The following KLHL1 variants were observed in gnomAD, a reference collection of about 807,000 sequenced individuals.
KLHL1 encodes kelch like family member 1.
KLHL1 carries 47 observed loss-of-function variants against 77.7 expected under a neutral mutation model. The observed-to-expected ratio is 0.60, with a 90% CI of 0.48 to 0.77. The LOEUF (loss-of-function observed/expected upper bound fraction) is 0.77. Ranked by LOEUF, KLHL1 falls within the 30% of genes least tolerant of loss-of-function variation. The pLI is 0.00. For synonymous variants in KLHL1, 360 were observed against 325.2 expected (o/e 1.11, Z -1.15); for missense variants, 925 against 910.8 (o/e 1.02, Z -0.20).
chr13:70,039,144 T>G (rs1886311500), intron 1 of KLHL1, among the ~76,000 whole-genome samples: 2 of 151,380 alleles, frequency 1.3e-5, no homozygotes, highest in South Asian at 4.2e-4. Context: ...AATAGCTCAC[T>G]GTAAACTTGA....
At chr13:69,899,182 A>G (rs1329178354) in intron 4 of KLHL1, among the ~76,000 whole-genome samples, 1 of 152,156 alleles carries the variant, frequency 6.6e-6, no homozygotes, top group Admixed American at 6.5e-5. Context: ...AGCAACTAGA[A>G]ATGTGATTCG....
chr13:69,838,940 C>A, intron 6 of KLHL1, 36 bp downstream of exon 6: 1 of 1,444,250 alleles, frequency 6.9e-7, no homozygotes, highest in South Asian at 1.4e-5. Context: ...CGGTATAACA[C>A]AGGATGTATA....
At chr13:69,954,404 A>T (rs1380071261) in intron 3 of KLHL1, among the ~76,000 whole-genome samples, 2 of 151,390 alleles carry the variant, frequency 1.3e-5, no homozygotes, top group Non-Finnish European at 3.0e-5. Context: ...ATGGTGATTG[A>T]ATTCAATTCA....
At chr13:69,863,579 A>AT (rs902807349) in intron 5 of KLHL1, among the ~76,000 whole-genome samples, 17 of 151,152 alleles carry the variant, frequency 1.1e-4, no homozygotes, top group African/African-American at 2.4e-4. Context: ...TGAATTTATG[A>AT]TTTTTTTTTG....
chr13:69,846,206 C>T (rs993797167), intron 5 of KLHL1, among the ~76,000 whole-genome samples: 1 of 151,436 alleles, frequency 6.6e-6, no homozygotes, highest in East Asian at 1.9e-4. Context: ...TAAGACTTTT[C>T]CACAGGCAAT....
At chr13:69,865,166 G>C (rs952047553) in intron 5 of KLHL1, among the ~76,000 whole-genome samples, 1 of 152,012 alleles carries the variant, frequency 6.6e-6, no homozygotes, top group African/African-American at 2.4e-5. Context: ...CAAACTCCTG[G>C]CCTCAAGCAG....
intron 5 of KLHL1, among the ~76,000 whole-genome samples, chr13:69,855,209 T>G (rs1879838583): frequency 6.6e-6 from 1 of 151,954 alleles, no homozygotes; most frequent in Admixed American, 6.6e-5. Context: ...GTCTACTAGT[T>G]AGAGTGTAGA....
At chr13:69,924,185 C>T (rs1882737257) in intron 4 of KLHL1, among the ~76,000 whole-genome samples, 2 of 152,174 alleles carry the variant, frequency 1.3e-5, no homozygotes, top group African/African-American at 4.8e-5. Flanking sequence ...ACAGCCTGGG[C>T]ACCATTGATG....
intron 7 of KLHL1, among the ~76,000 whole-genome samples, chr13:69,780,711 T>TATATATATATATAC (rs1566243654): frequency 1.0e-4 from 4 of 40,032 alleles, no homozygotes; most frequent in South Asian, 7.9e-4. Context: ...TGTATATATA[T>TATATATATATATAC]ATATGTATAT....
intron 2 of KLHL1, among the ~76,000 whole-genome samples, chr13:69,969,652 A>ATATC (rs1189931852): frequency 1.3e-5 from 2 of 152,118 alleles, no homozygotes; most frequent in Non-Finnish European, 2.9e-5. Context: ...TAATTACATA[A>ATATC]TATCTTCTTT....
intron 1 of KLHL1, among the ~76,000 whole-genome samples, chr13:70,083,933 T>C (rs1319651906): frequency 6.6e-6 from 1 of 152,130 alleles, no homozygotes; most frequent in Non-Finnish European, 1.5e-5. Flanking sequence ...GTGGCTTGAC[T>C]ACCTACCACA....
chr13:69,889,271 A>AAAGTTG (rs1365073142), intron 4 of KLHL1, among the ~76,000 whole-genome samples: 1 of 151,918 alleles, frequency 6.6e-6, no homozygotes, highest in Non-Finnish European at 1.5e-5. Context: ...TCCCTTTGTC[A>AAAGTTG]AAGTTGCTGA....
chr13:69,816,081 A>T (rs566736388), intron 6 of KLHL1, among the ~76,000 whole-genome samples: 105 of 152,016 alleles, frequency 6.9e-4, no homozygotes, highest in African/African-American at 2.5e-3. Context: ...AATATCAGAA[A>T]ATTTACTTAG....
intron 6 of KLHL1, among the ~76,000 whole-genome samples, chr13:69,836,882 G>T (rs1156444514): frequency 6.6e-6 from 1 of 151,438 alleles, no homozygotes; most frequent in African/African-American, 2.4e-5. Context: ...TAGAAGAGAG[G>T]TATTAATATA....
chr13:69,808,202 G>C (rs1483297700), intron 6 of KLHL1, among the ~76,000 whole-genome samples: 1 of 152,098 alleles, frequency 6.6e-6, no homozygotes, highest in Non-Finnish European at 1.5e-5. Context: ...CCCAGGAAGT[G>C]TGGGTTGAAA....
intron 6 of KLHL1, among the ~76,000 whole-genome samples, chr13:69,802,273 G>A (rs1217229201): frequency 6.6e-6 from 1 of 152,068 alleles, no homozygotes; most frequent in East Asian, 1.9e-4. Context: ...TCATTGGTAA[G>A]TATTTGGGTT....
At chr13:69,732,379 T>C (rs1873585795) in intron 8 of KLHL1, among the ~76,000 whole-genome samples, 1 of 152,072 alleles carries the variant, frequency 6.6e-6, no homozygotes, top group South Asian at 2.1e-4. Flanking sequence ...TTAAAATGAA[T>C]CTCCAAGTAG....
chr13:69,733,461 A>G (rs892624451), intron 8 of KLHL1, among the ~76,000 whole-genome samples: 4 of 152,220 alleles, frequency 2.6e-5, no homozygotes, highest in African/African-American at 9.6e-5. Context: ...AGTGAGATGC[A>G]TTCACTTGGA....
At chr13:70,015,156 G>T (rs1333868134) in intron 1 of KLHL1, among the ~76,000 whole-genome samples, 1 of 152,068 alleles carries the variant, frequency 6.6e-6, no homozygotes, top group Middle Eastern at 3.2e-3. Context: ...TATGTTCAAA[G>T]AAATATGTTT....
Sources: allele counts gnomAD v4.1 joint callset (sites outside exome capture counted in the v4.1 genomes callset), GRCh38; gene constraint gnomAD v4.1.1; transcripts MANE v1.5; gene names NCBI Gene and HGNC (gene_info 2026-07-23, HGNC 2026-07-21).